The following WWP1 variants were observed in gnomAD, a reference collection of about 807,000 sequenced individuals.
The protein encoded by WWP1 is WW domain containing E3 ubiquitin protein ligase 1.
Under a neutral mutation model 130.6 loss-of-function variants are expected in WWP1, and 49 were observed. That is an observed-to-expected ratio of 0.38 (90% CI 0.30 to 0.48). The LOEUF is 0.48. Ranked by LOEUF, WWP1 falls within the 20% of genes least tolerant of loss-of-function variation. The probability of loss-of-function intolerance (pLI) is 0.99; values close to 1 mark genes in which losing one functional copy is unlikely to be tolerated. For missense variants in WWP1, 809 were observed against 1,100.6 expected (o/e 0.74, Z 3.75); for synonymous variants, 332 against 367.8 (o/e 0.90, Z 1.11).
At chr8:86,402,655 T>A (rs1459735373) in intron 8 of WWP1, among the ~76,000 whole-genome samples, 2 of 152,192 alleles carry the variant, frequency 1.3e-5, no homozygotes, top group Non-Finnish European at 2.9e-5. Flanking sequence ...TGCCTGAAAT[T>A]TTTCCTAATA....
At chr8:86,450,552 A>T (rs760843557) in intron 20 of WWP1, among the ~76,000 whole-genome samples, 1 of 152,228 alleles carries the variant, frequency 6.6e-6, no homozygotes, top group Non-Finnish European at 1.5e-5. Context: ...ATAAAATTTC[A>T]CTATGTAAGA....
At chr8:86,388,550 T>G (rs998627549) in intron 5 of WWP1, among the ~76,000 whole-genome samples, 2 of 152,208 alleles carry the variant, frequency 1.3e-5, no homozygotes, top group Non-Finnish European at 2.9e-5. Context: ...TATAATCTAA[T>G]CATATTGCCT....
intron 11 of WWP1, 88 bp from the exon 12 acceptor site, chr8:86,430,609 T>C: frequency 1.8e-6 from 2 of 1,103,262 alleles, no homozygotes. Context: ...TATTATAAAA[T>C]GTGATTCTGC....
At chr8:86,409,859 CA>C (rs908417468) in intron 8 of WWP1, among the ~76,000 whole-genome samples, 4 of 146,118 alleles carry the variant, frequency 2.7e-5, no homozygotes, top group South Asian at 4.3e-4. Flanking sequence ...GACACCTTCT[CA>C]AAAAAAAAAG....
At chr8:86,464,915 G>A (rs1167096707) in intron 24 of WWP1, among the ~76,000 whole-genome samples, 81 of 137,864 alleles carry the variant, frequency 5.9e-4, no homozygotes, top group South Asian at 5.2e-4. Context: ...ACACACATGC[G>A]CGCGCGTGTG....
intron 1 of WWP1, among the ~76,000 whole-genome samples, chr8:86,348,826 C>G (rs1436697866): frequency 2.6e-5 from 4 of 152,300 alleles, no homozygotes. Context: ...GTGTAGCAAA[C>G]AGCCCTAAAC....
At chr8:86,355,946 C>A (rs1055924545) in intron 1 of WWP1, among the ~76,000 whole-genome samples, 32 of 152,224 alleles carry the variant, frequency 2.1e-4, no homozygotes, top group Non-Finnish European at 8.8e-5. Flanking sequence ...CCAAGGAAAT[C>A]TGGCTTCAAA....
intron 1 of WWP1, among the ~76,000 whole-genome samples, chr8:86,357,637 G>A (rs1483900605): frequency 2.6e-5 from 4 of 152,210 alleles, no homozygotes; most frequent in Non-Finnish European, 4.4e-5. Context: ...AGTATTCAGT[G>A]AGATAAATAA....
chr8:86,428,792 CG>C (rs1302095947), intron 11 of WWP1, among the ~76,000 whole-genome samples: 2 of 151,790 alleles, frequency 1.3e-5, no homozygotes, highest in African/African-American at 4.8e-5. Context: ...GTAATTATAC[CG>C]TGTGGTATAT....
chr8:86,442,402 G>A (rs2130723266), intron 17 of WWP1: 2 of 367,426 alleles, frequency 5.4e-6, no homozygotes, highest in African/African-American at 4.1e-5. Context: ...TCTATATGAG[G>A]ATCAGTGAAT....
chr8:86,413,275 G>A (rs1808691753), intron 9 of WWP1, among the ~76,000 whole-genome samples: 1 of 152,068 alleles, frequency 6.6e-6, no homozygotes, highest in Non-Finnish European at 1.5e-5. Context: ...CTCTTGTCCT[G>A]TGTCCCATGT....
intron 24 of WWP1, among the ~76,000 whole-genome samples, chr8:86,464,769 T>C (rs1056159769): frequency 6.6e-6 from 1 of 152,160 alleles, no homozygotes; most frequent in African/African-American, 2.4e-5. Flanking sequence ...TGCCTTGGCC[T>C]CTGAAAGTGC....
intron 21 of WWP1, among the ~76,000 whole-genome samples, chr8:86,457,124 TA>T (rs1293320594): frequency 6.6e-6 from 1 of 151,936 alleles, no homozygotes; most frequent in African/African-American, 2.4e-5. Flanking sequence ...CATTTTATTG[TA>T]TGTAAATTAT....
chr8:86,384,755 C>T (rs1208701979), intron 5 of WWP1, among the ~76,000 whole-genome samples: 6 of 152,170 alleles, frequency 3.9e-5, no homozygotes, highest in Middle Eastern at 3.4e-3. Flanking sequence ...AATCCTGGCA[C>T]TGTGGGAGGC....
chr8:86,439,170 C>T (rs1031696632), intron 17 of WWP1, among the ~76,000 whole-genome samples: 2 of 151,740 alleles, frequency 1.3e-5, no homozygotes, highest in Non-Finnish European at 2.9e-5. Flanking sequence ...GGTGAAACCC[C>T]GTCTCTACTA....
At chr8:86,405,326 ATTTTT>A (rs35346142) in intron 8 of WWP1, among the ~76,000 whole-genome samples, 21 of 128,888 alleles carry the variant, frequency 1.6e-4, no homozygotes, top group Admixed American at 1.6e-4. Flanking sequence ...AACCAAAAGG[ATTTTT>A]TTTTTTTTTT....
intron 5 of WWP1, among the ~76,000 whole-genome samples, chr8:86,394,256 A>G (rs1050931883): frequency 2.0e-5 from 3 of 152,140 alleles, no homozygotes; most frequent in Non-Finnish European, 2.9e-5. Flanking sequence ...TTATATACCT[A>G]CCTCCTCAGA....
At chr8:86,432,615 T>G (rs1195716567) in intron 14 of WWP1, among the ~76,000 whole-genome samples, 4 of 148,340 alleles carry the variant, frequency 2.7e-5, no homozygotes, top group African/African-American at 4.9e-5. Flanking sequence ...CATTTTTTTG[T>G]TTTTTTTTTG....
chr8:86,399,041 A>G (rs1807830516), intron 7 of WWP1, among the ~76,000 whole-genome samples: 2 of 152,116 alleles, frequency 1.3e-5, no homozygotes, highest in South Asian at 4.1e-4. Flanking sequence ...ATTTTCTATA[A>G]ATGGATTCAT....
Sources: allele counts gnomAD v4.1 joint callset (sites outside exome capture counted in the v4.1 genomes callset), GRCh38; gene constraint gnomAD v4.1.1; transcripts MANE v1.5; gene names NCBI Gene and HGNC (gene_info 2026-07-23, HGNC 2026-07-21).